The following KLF12 variants were observed in gnomAD, a reference collection of about 807,000 sequenced individuals.
KLF12 encodes Krueppel-like factor 12.
Under a neutral mutation model 37.8 loss-of-function variants are expected in KLF12, and 9 were observed. The observed-to-expected ratio is 0.24, with a 90% CI of 0.14 to 0.42. KLF12 has a LOEUF of 0.42. Ranked by LOEUF, KLF12 falls within the 10% of genes least tolerant of loss-of-function variation. KLF12 has a pLI of 1.00. For missense variants in KLF12, 411 were observed against 516.0 expected (o/e 0.80, Z 1.97); for synonymous variants, 208 against 202.1 (o/e 1.03, Z -0.25).
intron 1 of KLF12, among the ~76,000 whole-genome samples, chr13:74,055,039 A>G (rs1434788529): frequency 6.6e-6 from 1 of 152,258 alleles, no homozygotes; most frequent in Non-Finnish European, 1.5e-5. Context: ...CAAAGAAATT[A>G]AGACAAAGAG....
At chr13:73,807,648 G>A (rs1195126656) in intron 5 of KLF12, among the ~76,000 whole-genome samples, 1 of 152,146 alleles carries the variant, frequency 6.6e-6, no homozygotes, top group Non-Finnish European at 1.5e-5. Context: ...ACTATCAACT[G>A]AGCATTATAA....
chr13:74,226,066 T>C, the KLF12 span, among the ~76,000 whole-genome samples: 7 of 152,144 alleles, frequency 4.6e-5, no homozygotes, highest in Non-Finnish European at 1.0e-4. Flanking sequence ...AAGATGTAGA[T>C]ATCTAAAATT....
At chr13:74,251,168 T>G in the KLF12 span, among the ~76,000 whole-genome samples, 1 of 152,156 alleles carries the variant, frequency 6.6e-6, no homozygotes, top group Non-Finnish European at 1.5e-5. Flanking sequence ...TTTGTTTTTT[T>G]TGAGATGGAG....
the KLF12 span, among the ~76,000 whole-genome samples, chr13:74,287,088 T>A: frequency 3.3e-5 from 5 of 152,132 alleles, no homozygotes; most frequent in Non-Finnish European, 7.4e-5. Context: ...AAGCTTTAAG[T>A]CCCTAGTGAC....
chr13:74,060,496 G>GTGTGTGTGTGTC (rs1555336653), intron 1 of KLF12, among the ~76,000 whole-genome samples: 70 of 142,050 alleles, frequency 4.9e-4, no homozygotes, highest in African/African-American at 1.2e-3. Flanking sequence ...GTGTGTGTGT[G>GTGTGTGTGTGTC]TGTGTGTGTG....
chr13:73,892,993 T>C (rs1887584547), intron 3 of KLF12, among the ~76,000 whole-genome samples: 1 of 151,032 alleles, frequency 6.6e-6, no homozygotes, highest in Non-Finnish European at 1.5e-5. Flanking sequence ...GTTCAGATAA[T>C]ACACTATGTT....
chr13:73,706,865 C>T (rs1165308628), intron 7 of KLF12, among the ~76,000 whole-genome samples: 6 of 152,242 alleles, frequency 3.9e-5, no homozygotes, highest in Non-Finnish European at 8.8e-5. Flanking sequence ...CAAACAAGCA[C>T]TCAAGAGCAG....
At chr13:73,888,334 A>G (rs1235271463) in intron 3 of KLF12, among the ~76,000 whole-genome samples, 1 of 152,148 alleles carries the variant, frequency 6.6e-6, no homozygotes, top group Admixed American at 6.5e-5. Context: ...AAACAAAAAT[A>G]CTTCAGACTG....
intron 1 of KLF12, among the ~76,000 whole-genome samples, chr13:74,121,154 A>G (rs1284401878): frequency 1.3e-5 from 2 of 152,172 alleles, no homozygotes; most frequent in African/African-American, 4.8e-5. Flanking sequence ...AAATACATAA[A>G]GCAAAAACTG....
chr13:73,861,696 C>A (rs199553588), intron 3 of KLF12, among the ~76,000 whole-genome samples: 3 of 151,980 alleles, frequency 2.0e-5, no homozygotes, highest in Non-Finnish European at 4.4e-5. Context: ...GGAATTATTC[C>A]GTTTTCCTCA....
chr13:74,110,195 C>T (rs1593908134), intron 1 of KLF12, among the ~76,000 whole-genome samples: 1 of 152,150 alleles, frequency 6.6e-6, no homozygotes, highest in South Asian at 2.1e-4. Flanking sequence ...TGGACCTCTG[C>T]CCTATACACA....
Position 73,693,199 on chromosome 13 carries a change from C to T in KLF12, c.*2291G>A, listed in dbSNP as rs190811144. The T allele has an allele frequency of 5.7e-4, 87 of 152,220 alleles. No homozygotes were observed. The highest frequency in any genetic ancestry group is 2.0e-3 in the African/African-American group (82 of 41,506). The allele number at this position is 152,220 out of a possible 1,614,324, so 9.4% of individuals were successfully genotyped here. On this transcript the variant is annotated 3_prime_UTR_variant, in exon 8 of 8. Transcript: ENST00000377669. The stretch of plus-strand genomic sequence containing the variant: ...CAGGGGGTTCATGGCTGTGTTTGTC[C>T]CTCTCTGTGTTCTCTGTCACTGACT...
chr13:73,932,517 T>C (rs1205135962), intron 3 of KLF12, among the ~76,000 whole-genome samples: 1 of 152,168 alleles, frequency 6.6e-6, no homozygotes, highest in Non-Finnish European at 1.5e-5. Context: ...ATCTTTATTG[T>C]TACATTGGTT....
chr13:73,865,663 G>A (rs1021963874), intron 3 of KLF12, among the ~76,000 whole-genome samples: 2 of 151,970 alleles, frequency 1.3e-5, no homozygotes, highest in African/African-American at 4.8e-5. Context: ...TAAAAGGAGA[G>A]AAATAGATAA....
chr13:74,126,644 A>C (rs1380090363), intron 1 of KLF12, among the ~76,000 whole-genome samples: 1 of 152,228 alleles, frequency 6.6e-6, no homozygotes, highest in Non-Finnish European at 1.5e-5. Context: ...AAAAAGCAAT[A>C]AAATTTTCCA....
At chr13:74,199,467 G>A in the KLF12 span, among the ~76,000 whole-genome samples, 1 of 152,110 alleles carries the variant, frequency 6.6e-6, no homozygotes, top group African/African-American at 2.4e-5. Context: ...CACTCAATAA[G>A]TGGTGACAAT....
chr13:74,285,396 A>T, the KLF12 span, among the ~76,000 whole-genome samples: 1 of 152,212 alleles, frequency 6.6e-6, no homozygotes, highest in Non-Finnish European at 1.5e-5. Context: ...GTAGACATCA[A>T]TACTGCTAAA....
chr13:73,935,684 G>C (rs1478983922), intron 3 of KLF12, among the ~76,000 whole-genome samples: 1 of 152,144 alleles, frequency 6.6e-6, no homozygotes, highest in African/African-American at 2.4e-5. Context: ...CTGGCGTGCA[G>C]TGATGGGATC....
At chr13:73,714,363 A>G (rs1291889277) in intron 7 of KLF12, among the ~76,000 whole-genome samples, 3 of 152,210 alleles carry the variant, frequency 2.0e-5, no homozygotes, top group African/African-American at 4.8e-5. Flanking sequence ...TTATTTTGAT[A>G]CCTAAGCTGG....
Sources: allele counts gnomAD v4.1 joint callset (sites outside exome capture counted in the v4.1 genomes callset), GRCh38; gene constraint gnomAD v4.1.1; transcripts MANE v1.5; gene names NCBI Gene and HGNC (gene_info 2026-07-23, HGNC 2026-07-21).